GRM7: variants seen among roughly 807,000 people sequenced by gnomAD.
GRM7 encodes metabotropic glutamate receptor 7.
GRM7 carries 35 observed loss-of-function variants against 84.5 expected under a neutral mutation model. The observed-to-expected ratio is 0.41, with a 90% confidence interval of 0.32 to 0.55. The LOEUF (loss-of-function observed/expected upper bound fraction) is 0.55. GRM7 is among the 20% of genes least tolerant of loss of function. The pLI is 0.19. For missense variants in GRM7, 1,003 were observed against 1,194.6 expected (o/e 0.84, Z 2.36); for synonymous variants, 487 against 455.1 (o/e 1.07, Z -0.89).
chr3:7,270,101 A>T (rs1698797610), intron 2 of GRM7, among the ~76,000 whole-genome samples: 1 of 152,212 alleles, frequency 6.6e-6, no homozygotes, highest in South Asian at 2.1e-4. Flanking sequence ...TTACATTTCT[A>T]AGATGTTCTC....
chr3:6,904,224 T>C (rs951035872), intron 1 of GRM7, among the ~76,000 whole-genome samples: 4 of 152,152 alleles, frequency 2.6e-5, no homozygotes, highest in African/African-American at 9.7e-5. Flanking sequence ...TTGTTTGTAG[T>C]TTTTTATTCT....
At chr3:7,376,029 T>C (rs1694335506) in intron 4 of GRM7, among the ~76,000 whole-genome samples, 1 of 152,202 alleles carries the variant, frequency 6.6e-6, no homozygotes, top group African/African-American at 2.4e-5. Flanking sequence ...ATTGAGTAGA[T>C]GATATTGTCC....
chr3:7,612,091 G>C (rs1696875305), intron 8 of GRM7, among the ~76,000 whole-genome samples: 1 of 152,014 alleles, frequency 6.6e-6, no homozygotes, highest in South Asian at 2.1e-4. Flanking sequence ...TGAAAGTCTT[G>C]GTTAGTAATT....
chr3:6,939,016 A>G (rs1027281851), intron 1 of GRM7, among the ~76,000 whole-genome samples: 1 of 152,242 alleles, frequency 6.6e-6, no homozygotes, highest in African/African-American at 2.4e-5. Context: ...GCTTAAATGT[A>G]TAAGCAGAAT....
At chr3:6,918,405 C>T (rs909166011) in intron 1 of GRM7, among the ~76,000 whole-genome samples, 5 of 152,100 alleles carry the variant, frequency 3.3e-5, no homozygotes, top group East Asian at 1.9e-4. Context: ...TTAGGTTGGA[C>T]GTATTCTGTT....
intron 9 of GRM7, among the ~76,000 whole-genome samples, chr3:7,685,249 G>T (rs919687042): frequency 2.0e-5 from 3 of 152,188 alleles, no homozygotes; most frequent in African/African-American, 7.2e-5. Flanking sequence ...GTATCAACCA[G>T]AAGATGTTCT....
chr3:7,494,617 G>A (rs943899442), intron 7 of GRM7, among the ~76,000 whole-genome samples: 1 of 152,052 alleles, frequency 6.6e-6, no homozygotes, highest in Non-Finnish European at 1.5e-5. Flanking sequence ...TATTACACAG[G>A]TGACTGAAGC....
chr3:7,596,030 T>C (rs899276812), intron 8 of GRM7, among the ~76,000 whole-genome samples: 5 of 152,196 alleles, frequency 3.3e-5, no homozygotes, highest in Admixed American at 6.5e-5. Context: ...GCCAGGGCAC[T>C]GTTCACTGTT....
intron 7 of GRM7, among the ~76,000 whole-genome samples, chr3:7,569,885 G>T (rs140938532): frequency 6.6e-6 from 1 of 152,052 alleles, no homozygotes; most frequent in South Asian, 2.1e-4. Context: ...CGGACACGCC[G>T]CCTTTAAGAA....
chr3:7,251,879 G>A (rs1310425642), intron 2 of GRM7, among the ~76,000 whole-genome samples: 2 of 152,156 alleles, frequency 1.3e-5, no homozygotes, highest in African/African-American at 4.8e-5. Context: ...AATTATCAAA[G>A]ATAGTTATTA....
At chr3:7,074,638 A>T (rs1272457852) in intron 1 of GRM7, among the ~76,000 whole-genome samples, 1 of 152,212 alleles carries the variant, frequency 6.6e-6, no homozygotes, top group South Asian at 2.1e-4. Flanking sequence ...TAATATTTTT[A>T]GAATTGTATT....
chr3:7,616,746 A>G (rs1697098806), intron 8 of GRM7, among the ~76,000 whole-genome samples: 1 of 152,166 alleles, frequency 6.6e-6, no homozygotes, highest in East Asian at 1.9e-4. Flanking sequence ...GAAAATCCTA[A>G]AATTACAAAC....
intron 8 of GRM7, among the ~76,000 whole-genome samples, chr3:7,667,398 G>A (rs1699747683): frequency 6.6e-6 from 1 of 152,080 alleles, no homozygotes; most frequent in Non-Finnish European, 1.5e-5. Context: ...AGACATTTCT[G>A]AGTACACTAT....
At chr3:6,915,814 T>C (rs1280429752) in intron 1 of GRM7, among the ~76,000 whole-genome samples, 1 of 152,144 alleles carries the variant, frequency 6.6e-6, no homozygotes, top group East Asian at 1.9e-4. Context: ...ATAATAACAG[T>C]AAATTTTTTT....
At chr3:7,262,691 G>T (rs1698476949) in intron 2 of GRM7, among the ~76,000 whole-genome samples, 1 of 150,986 alleles carries the variant, frequency 6.6e-6, no homozygotes, top group South Asian at 2.1e-4. Context: ...TTTTTGGTTT[G>T]TTTGTTGGTT....
chr3:7,359,834 C>T (rs1297872297), intron 4 of GRM7, among the ~76,000 whole-genome samples: 1 of 148,540 alleles, frequency 6.7e-6, no homozygotes, highest in Admixed American at 6.7e-5. Flanking sequence ...AAAGTGCTTA[C>T]ACCGACAATT....
intron 8 of GRM7, among the ~76,000 whole-genome samples, chr3:7,675,082 GAT>G (rs1700073739): frequency 6.6e-6 from 1 of 152,114 alleles, no homozygotes; most frequent in Admixed American, 6.5e-5. Context: ...TAAAAGTGGT[GAT>G]TCATTAGTAT....
intron 8 of GRM7, among the ~76,000 whole-genome samples, chr3:7,656,699 C>T (rs566831430): frequency 6.6e-6 from 1 of 151,824 alleles, no homozygotes; most frequent in Non-Finnish European, 1.5e-5. Flanking sequence ...ACTCGATGGC[C>T]CCACTTAAAA....
rs189354238 is a variant in GRM7 at position 6,974,079 on chromosome 3, T to C, written c.519+112172T>C. Among the ~76,000 whole-genome samples the C allele has an allele frequency of 7.2e-5, 11 of 152,252 alleles. No homozygotes were observed. In the East Asian group the frequency reaches 1.9e-3, roughly 27 times the overall value. On this transcript the variant is annotated intron_variant, in intron 1 of 9. Coordinates refer to ENST00000357716, the MANE Select transcript of GRM7 (RefSeq NM_000844.4). ...ATGAAGCGATTGGATTCTGGACACA[T>C]GTTTAAGGTAAGATTAACAGTATTT...
Sources: gnomAD v4.1 joint callset for allele counts (sites outside exome capture counted in the v4.1 genomes callset) on GRCh38, gnomAD v4.1.1 for gene constraint, MANE v1.5 for transcripts, NCBI Gene and HGNC (gene_info 2026-07-23, HGNC 2026-07-21) for gene names.